The following MCM2 variants were observed in gnomAD, a reference collection of about 807,000 sequenced individuals.
MCM2 encodes the protein DNA replication licensing factor MCM2.
In MCM2, 49 loss-of-function variants were observed where a neutral mutation model predicts 86.4. The ratio of observed to expected loss-of-function variants is 0.57; its 90% confidence interval spans 0.45 to 0.72. The LOEUF (loss-of-function observed/expected upper bound fraction) is 0.72, where lower values mean the gene tolerates loss of function less well. Ranked by LOEUF, MCM2 falls within the 30% of genes least tolerant of loss-of-function variation. MCM2 has a pLI of 0.00. For synonymous variants in MCM2, 475 were observed against 484.6 expected (o/e 0.98, Z 0.26); for missense variants, 1,038 against 1,259.9 (o/e 0.82, Z 2.67).
At chr3:127,621,317 G>A in intron 15 of MCM2, 89 bp downstream of exon 15, 1 of 1,512,474 alleles carries the variant, frequency 6.6e-7, no homozygotes, top group South Asian at 1.2e-5. Context: ...AATGGGTCAT[G>A]AAGTGGGTGG....
intron 8 of MCM2, chr3:127,610,933 A>G (rs901906376): frequency 1.1e-5 from 5 of 456,612 alleles, no homozygotes; most frequent in African/African-American, 1.0e-4. Context: ...AGTTCAGCCA[A>G]CACACATTGG....
rs2074441939 is a variant in MCM2, at chr3:127,617,425, T to G, written c.1900+20T>G. On this transcript the variant is annotated intron_variant, in intron 11 of 15. Transcript: ENST00000265056. The surrounding 1 kb of genome is among the most constrained non-coding windows in gnomAD (Gnocchi z 4.1). ...CCATAGGTGCAGCAGGCACCCTGACTGCTGGGGCTGGGGTGGGACACAGGG... is the reference window on the plus strand; with the variant it reads ...CCATAGGTGCAGCAGGCACCCTGACGGCTGGGGCTGGGGTGGGACACAGGG... The G allele has an allele frequency of 1.2e-6, 2 of 1,609,994 alleles. No individual in the cohort carries two copies. The highest frequency in any genetic ancestry group is 1.7e-6 in the Non-Finnish European group (2 of 1,178,346).
intron 9 of MCM2, 127 bp downstream of exon 9, chr3:127,616,082 T>C: frequency 1.3e-6 from 1 of 751,384 alleles, no homozygotes; most frequent in Non-Finnish European, 2.2e-6. Context: ...AAAGATGGTC[T>C]GGCTGGGCGT....
chr3:127,608,591 T>C, intron 7 of MCM2, 75 bp downstream of exon 7: 2 of 1,581,594 alleles, frequency 1.3e-6, no homozygotes, highest in Non-Finnish European at 1.7e-6. Context: ...GCTGGGCCGG[T>C]GGCGGTGTCT....
At chr3:127,598,535 C>T (rs2074275507) in intron 1 of MCM2, 63 bp downstream of exon 1, 3 of 1,589,982 alleles carry the variant, frequency 1.9e-6, no homozygotes, top group Non-Finnish European at 2.6e-6. Context: ...TGCGCGCTTC[C>T]CGTACTCTGG....
At chr3:127,614,315 T>C (rs1376354260) in intron 8 of MCM2, among the ~76,000 whole-genome samples, 1 of 151,610 alleles carries the variant, frequency 6.6e-6, no homozygotes, top group East Asian at 1.9e-4. Flanking sequence ...AAGAGGTGAT[T>C]AACAATTCCT....
At chr3:127,613,580 TC>T (rs1470119403) in intron 8 of MCM2, among the ~76,000 whole-genome samples, 1 of 152,222 alleles carries the variant, frequency 6.6e-6, no homozygotes, top group Non-Finnish European at 1.5e-5. Context: ...GAGTCCATGC[TC>T]CCAGTGACTG....
chr3:127,598,582 C>G, intron 1 of MCM2, 110 bp downstream of exon 1: 1 of 1,410,376 alleles, frequency 7.1e-7, no homozygotes, highest in South Asian at 1.4e-5. Flanking sequence ...GAGGCTGGGC[C>G]CCAGGCTCTG....
intron 2 of MCM2, 43 bp downstream of exon 2, chr3:127,599,590 G>C (rs772694646): frequency 1.3e-6 from 2 of 1,554,280 alleles, no homozygotes; most frequent in South Asian, 2.4e-5. Context: ...TAGTTTTGCA[G>C]AGAGCCCATT....
chr3:127,600,426 T>C (rs2074299507), intron 2 of MCM2, among the ~76,000 whole-genome samples: 1 of 152,184 alleles, frequency 6.6e-6, no homozygotes, highest in Non-Finnish European at 1.5e-5. Context: ...AGCGGAATTG[T>C]GTGAATGCCC....
rs961846127 is a variant in MCM2 at position 127,620,700 on chromosome 3, G to A, written c.2268G>A (p.Ala756=). ...MYSDLRKESM[A]TGSIPITVRH... ...CCTGACACTGTGCTTCTCTCCAGGC[G>A]ACAGGCAGCATCCCCATTACGGTGC... Residue 756 remains alanine, a splice_region_variant and synonymous_variant, in exon 14 of 16, where the codon GCG becomes GCA. Transcript: ENST00000265056. 8.8e-6 allele frequency: 14 copies of A among 1,587,412 alleles called. No homozygotes were observed. The highest frequency in any genetic ancestry group is 1.7e-4 in the Middle Eastern group (1 of 5,964).
At chr3:127,621,328 G>T in intron 15 of MCM2, 100 bp downstream of exon 15, 2 of 1,437,302 alleles carry the variant, frequency 1.4e-6, no homozygotes, top group Middle Eastern at 2.5e-4. Context: ...AAGTGGGTGG[G>T]CCTTGGTTGA....
At chr3:127,600,724 C>T (rs944153808) in intron 2 of MCM2, among the ~76,000 whole-genome samples, 6 of 151,930 alleles carry the variant, frequency 3.9e-5, no homozygotes, top group Non-Finnish European at 7.4e-5. Context: ...TTGTTCAGGC[C>T]GGATGCCCCT....
Position 127,615,869 on chromosome 3 carries a change from C to G in MCM2, c.1436C>G (p.Ala479Gly), listed in dbSNP as rs774955552. 4.3e-6 allele frequency: 7 copies of G among 1,613,236 alleles called. No homozygotes were observed. The highest frequency in any genetic ancestry group is 5.9e-6 in the Non-Finnish European group (7 of 1,179,248). ...TCTCCCTCCCTTTCTCAGATCTTTG[C>G]CAGCATTGCTCCTTCCATCTATGGT... ...KDQQIGEKIF[A>G]SIAPSIYGHE... The change falls in exon 9 of 16, where the codon GCC becomes GGC. Residue 479 changes from alanine to glycine, a missense_variant. Around this residue, in one of 4 missense-constraint regions of MCM2, gnomAD observed 399 missense variants for 507.2 expected, o/e 0.79. Transcript: ENST00000265056.
At chr3:127,603,212 G>T (rs1191906698) in intron 2 of MCM2, among the ~76,000 whole-genome samples, 1 of 152,054 alleles carries the variant, frequency 6.6e-6, no homozygotes, top group East Asian at 1.9e-4. Context: ...TGTTAGCCAG[G>T]ATGGTCTCGA....
At chr3:127,601,809 A>G (rs1316156233) in intron 2 of MCM2, among the ~76,000 whole-genome samples, 1 of 152,220 alleles carries the variant, frequency 6.6e-6, no homozygotes, top group African/African-American at 2.4e-5. Flanking sequence ...CCAGCAACAC[A>G]TGAGGGTTCC....
intron 2 of MCM2, chr3:127,604,382 A>C: frequency 1.2e-5 from 6 of 493,194 alleles, no homozygotes; most frequent in East Asian, 3.1e-5. Flanking sequence ...ACGTGGCAGA[A>C]TTTCCTTCTA....
Position 127,598,440 on chromosome 3 carries a change from A to G in MCM2, c.-27A>G, listed in dbSNP as rs1389008733. The G allele has an allele frequency of 6.2e-7, 1 of 1,613,390 alleles. No individual in the cohort carries two copies. Among genetic ancestry groups the G allele is most frequent in the Admixed American group, 1.7e-5 (1 of 60,006 alleles). On this transcript the variant is annotated 5_prime_UTR_variant, in exon 1 of 16. Transcript: ENST00000265056. ...TCGCGCGAAACCTGGTTGTTGCTGT[A>G]GTGGCGGAGAGGATCGTGGTACTGC...
In MCM2 at chr3:127,618,401, T is replaced by C. The variant is rs909270362; in HGVS notation, c.2013+320T>C. ...ATCTGAACTGGCCTCCTGGCACCCA[T>C]GTAGACTGTCTTCCAGTTGAAGGCA... On this transcript the variant is annotated intron_variant, in intron 12 of 15. Transcript: ENST00000265056. The surrounding 1 kb of genome is among the most constrained non-coding windows in gnomAD (Gnocchi z 4.0). 6.6e-6 allele frequency among the ~76,000 whole-genome samples: 1 copy of C among 152,164 alleles called. No homozygotes were observed. The highest frequency in any genetic ancestry group is 1.5e-5 in the Non-Finnish European group (1 of 68,034).
Sources: allele counts gnomAD v4.1 joint callset (sites outside exome capture counted in the v4.1 genomes callset), GRCh38; gene constraint gnomAD v4.1.1; regional missense constraint gnomAD v4.1.1; non-coding constraint Gnocchi (gnomAD v3.1); transcripts MANE v1.5; gene names NCBI Gene and HGNC (gene_info 2026-07-23, HGNC 2026-07-21).